CSGALNACT1: variants seen among roughly 807,000 people sequenced by gnomAD.
CSGALNACT1 encodes the protein chondroitin sulfate N-acetylgalactosaminyltransferase 1.
In CSGALNACT1, 52 loss-of-function variants were observed where a neutral mutation model predicts 51.0. The observed-to-expected ratio is 1.02, with a 90% CI of 0.82 to 1.29. CSGALNACT1 has a LOEUF of 1.29. Ranked by LOEUF, CSGALNACT1 falls within the 50% of genes most tolerant of loss-of-function variation. The pLI, the probability that CSGALNACT1 is intolerant of heterozygous loss-of-function variation, is 0.00. For synonymous variants in CSGALNACT1, 341 were observed against 254.4 expected (o/e 1.34, Z -3.24); for missense variants, 935 against 679.2 (o/e 1.38, Z -4.19).
At position 19,719,141 on chromosome 8, in the gene CSGALNACT1, T is replaced by C. The variant is rs117432066; in HGVS notation, c.-297+38709A>G. ...ACATATACAATATACACATACACTA[T>C]ACAAAACAGTAACTTATACTTCAAC... On this transcript the variant is annotated intron_variant, in intron 1 of 1. Coordinates refer to the CSGALNACT1 transcript ENST00000517494. 8.9e-4 allele frequency among the ~76,000 whole-genome samples: 135 copies of C among 152,312 alleles called. 2 individuals carry two copies. The East Asian group carries it at 0.022, about 24-fold the overall frequency.
intron 1 of CSGALNACT1, among the ~76,000 whole-genome samples, chr8:19,647,373 T>C (rs1283151475): frequency 1.3e-5 from 2 of 152,186 alleles, no homozygotes; most frequent in Non-Finnish European, 1.5e-5. Context: ...GTTGGAATCA[T>C]GCCACTGCAC....
At chr8:19,638,060 A>C (rs2056308296) in intron 1 of CSGALNACT1, among the ~76,000 whole-genome samples, 1 of 149,734 alleles carries the variant, frequency 6.7e-6, no homozygotes, top group Middle Eastern at 3.2e-3. Flanking sequence ...GAAGGTATAG[A>C]AAAACCTTGA....
At chr8:19,706,925 T>C (rs932705173) in intron 1 of CSGALNACT1, among the ~76,000 whole-genome samples, 4 of 151,978 alleles carry the variant, frequency 2.6e-5, no homozygotes, top group African/African-American at 9.7e-5. Flanking sequence ...CTACACCTCT[T>C]TGGCCTCGTA....
intron 6 of CSGALNACT1, among the ~76,000 whole-genome samples, chr8:19,428,760 G>A (rs1161754301): frequency 1.3e-5 from 2 of 151,840 alleles, no homozygotes; most frequent in Non-Finnish European, 2.9e-5. Flanking sequence ...GCCTGGCTCT[G>A]CAGAGGACAC....
intron 6 of CSGALNACT1, among the ~76,000 whole-genome samples, chr8:19,428,182 T>A (rs1045007930): frequency 6.6e-5 from 10 of 152,288 alleles, no homozygotes; most frequent in Admixed American, 5.2e-4. Context: ...ATCCCTCCGT[T>A]TCCCACACAA....
chr8:19,652,481 G>A (rs569349098), intron 1 of CSGALNACT1, among the ~76,000 whole-genome samples: 1 of 152,216 alleles, frequency 6.6e-6, no homozygotes, highest in East Asian at 1.9e-4. Flanking sequence ...TAGATGAACT[G>A]TCTGTCTTCC....
chr8:19,666,789 AAGAAAGAAAGAAAGAAAG>A (rs2059228606), intron 1 of CSGALNACT1, among the ~76,000 whole-genome samples: 2 of 21,536 alleles, frequency 9.3e-5, no homozygotes, highest in African/African-American at 4.5e-4. Flanking sequence ...GAAAGAAAGA[AAGAAAGAAAGAAAGAAAG>A]AAAGAGAGAG....
At chr8:19,443,720 G>A (rs902733859) in intron 5 of CSGALNACT1, among the ~76,000 whole-genome samples, 1 of 152,186 alleles carries the variant, frequency 6.6e-6, no homozygotes, top group Non-Finnish European at 1.5e-5. Context: ...GCTGAGATGT[G>A]GGTGGGGATA....
At chr8:19,437,970 T>C (rs973582868) in intron 6 of CSGALNACT1, among the ~76,000 whole-genome samples, 3 of 152,238 alleles carry the variant, frequency 2.0e-5, no homozygotes, top group Admixed American at 6.5e-5. Context: ...AATGTATTGA[T>C]AAAGGTATAG....
At chr8:19,575,240 A>G (rs186170083) in intron 3 of CSGALNACT1, among the ~76,000 whole-genome samples, 470 of 152,304 alleles carry the variant, frequency 3.1e-3, no homozygotes, top group African/African-American at 0.011. Flanking sequence ...ATTTTTTCCA[A>G]TAATTGCTAC....
At chr8:19,425,512 T>G (rs1276820155) in intron 6 of CSGALNACT1, among the ~76,000 whole-genome samples, 1 of 152,188 alleles carries the variant, frequency 6.6e-6, no homozygotes, top group Non-Finnish European at 1.5e-5. Context: ...GAATCGATTT[T>G]TTCCTCTGTT....
chr8:19,471,032 G>A (rs2068026973), intron 4 of CSGALNACT1, among the ~76,000 whole-genome samples: 1 of 152,084 alleles, frequency 6.6e-6, no homozygotes, highest in Non-Finnish European at 1.5e-5. Context: ...GGAGGTGGAG[G>A]TTTCAGTGAG....
At chr8:19,474,724 C>G (rs764923292) in intron 4 of CSGALNACT1, among the ~76,000 whole-genome samples, 14 of 151,740 alleles carry the variant, frequency 9.2e-5, no homozygotes, top group Non-Finnish European at 1.6e-4. Flanking sequence ...CAAAATTAGC[C>G]AGGTGTGGTG....
chr8:19,666,869 GAA>G lies in CSGALNACT1; in HGVS notation c.-544+15602_-544+15603del, dbSNP rs1564384047. On this transcript the variant is annotated intron_variant, in intron 1 of 9. Coordinates refer to the CSGALNACT1 transcript ENST00000332246. ...AGAAAGAAAGAAAGAAAGAAAGAAA[GAA>G]AGAAAGAAAGAAAGAGAGAGAGGAA... Among the ~76,000 whole-genome samples the G allele has an allele frequency of 3.7e-4, 48 of 128,660 alleles. 1 individual carries two copies. The highest frequency in any genetic ancestry group is 9.4e-4 in the Admixed American group (12 of 12,742). The allele number at this position is 128,660 out of a possible 152,430, so 84.4% of individuals were successfully genotyped here.
At chr8:19,621,235 G>A (rs1323901864) in intron 1 of CSGALNACT1, among the ~76,000 whole-genome samples, 2 of 152,124 alleles carry the variant, frequency 1.3e-5, no homozygotes, top group African/African-American at 4.8e-5. Flanking sequence ...AGTGAGGTCA[G>A]AGGTGTGCTG....
intron 1 of CSGALNACT1, among the ~76,000 whole-genome samples, chr8:19,620,222 G>A (rs938416649): frequency 6.7e-6 from 1 of 150,116 alleles, no homozygotes; most frequent in African/African-American, 2.5e-5. Context: ...GGCTGAGGCA[G>A]GAGAATTGCT....
At chr8:19,586,132 G>T (rs1210545091) in intron 3 of CSGALNACT1, among the ~76,000 whole-genome samples, 2 of 152,158 alleles carry the variant, frequency 1.3e-5, no homozygotes, top group Non-Finnish European at 2.9e-5. Flanking sequence ...GGAGGGCAAG[G>T]CGGGCAGATC....
chr8:19,446,148 C>G (rs757961867), intron 5 of CSGALNACT1, among the ~76,000 whole-genome samples: 1 of 152,124 alleles, frequency 6.6e-6, no homozygotes, highest in African/African-American at 2.4e-5. Context: ...GCACTCCAGC[C>G]TGGGCGACAG....
chr8:19,484,601 G>C (rs919635611), intron 4 of CSGALNACT1, among the ~76,000 whole-genome samples: 3 of 152,114 alleles, frequency 2.0e-5, no homozygotes, highest in African/African-American at 4.8e-5. Flanking sequence ...AAGTTGCCTG[G>C]TTGCAGGACA....
Sources: gnomAD v4.1 joint callset for allele counts (sites outside exome capture counted in the v4.1 genomes callset) on GRCh38, gnomAD v4.1.1 for gene constraint, MANE v1.5 for transcripts, NCBI Gene and HGNC (gene_info 2026-07-23, HGNC 2026-07-21) for gene names.